The following ARHGAP39 variants were observed in gnomAD, a reference collection of about 807,000 sequenced individuals.
The protein encoded by ARHGAP39 is rho GTPase-activating protein 39.
Under a neutral mutation model 106.9 loss-of-function variants are expected in ARHGAP39, and 44 were observed. That is an observed-to-expected ratio of 0.41 (90% CI 0.32 to 0.53). The LOEUF is 0.53. ARHGAP39 is among the 20% of genes least tolerant of loss of function. The pLI, the probability that ARHGAP39 is intolerant of heterozygous loss-of-function variation, is 0.21. For missense variants in ARHGAP39, 1,496 were observed against 1,577.3 expected (o/e 0.95, Z 0.87); for synonymous variants, 768 against 693.2 (o/e 1.11, Z -1.69).
chr8:144,564,640 G>C (rs1004044030), intron 3 of ARHGAP39, among the ~76,000 whole-genome samples: 2 of 152,052 alleles, frequency 1.3e-5, no homozygotes, highest in African/African-American at 2.4e-5. Context: ...ATACAAAAAA[G>C]AACCCAATCA....
intron 2 of ARHGAP39, among the ~76,000 whole-genome samples, chr8:144,602,543 T>C (rs534656635): frequency 7.4e-6 from 1 of 135,636 alleles, no homozygotes; most frequent in Admixed American, 7.4e-5. Flanking sequence ...TACCTGTGTG[T>C]GCATGGAGGC....
chr8:144,593,099 G>A (rs963606573), intron 2 of ARHGAP39, among the ~76,000 whole-genome samples: 9 of 152,232 alleles, frequency 5.9e-5, no homozygotes, highest in East Asian at 3.8e-4. Context: ...CAGGGTACCC[G>A]GCGGGATGGG....
chr8:144,675,467 C>G (rs1449121406), intron 1 of ARHGAP39, among the ~76,000 whole-genome samples: 1 of 152,200 alleles, frequency 6.6e-6, no homozygotes, highest in African/African-American at 2.4e-5. Flanking sequence ...CGTGGTCTTG[C>G]TGACTTCAGG....
chr8:144,669,506 CAAAAAA>C (rs55678140), intron 1 of ARHGAP39, among the ~76,000 whole-genome samples: 1 of 59,744 alleles, frequency 1.7e-5, no homozygotes, highest in Non-Finnish European at 3.2e-5. Flanking sequence ...GACTCGGTCT[CAAAAAA>C]AAAAAAAAAA....
chr8:144,590,502 C>T (rs1035690206), intron 2 of ARHGAP39, among the ~76,000 whole-genome samples: 2 of 151,796 alleles, frequency 1.3e-5, no homozygotes, highest in Non-Finnish European at 2.9e-5. Context: ...TGATCAGAAG[C>T]TTCCTGAGGC....
chr8:144,636,269 C>T lies in ARHGAP39; in HGVS notation c.-81-30574G>A, dbSNP rs1271483178. ...TGTGTTGATTCTTACGGGGTGAGTGCAGAAGAAAAACTTCTTAAAACTCAA... is the reference window on the plus strand; with the variant it reads ...TGTGTTGATTCTTACGGGGTGAGTGTAGAAGAAAAACTTCTTAAAACTCAA... On this transcript the variant is annotated intron_variant, in intron 1 of 11. Transcript: ENST00000377307. Among the ~76,000 whole-genome samples, 3 of 152,234 alleles carry T rather than the reference C, an allele frequency of 2.0e-5. No individual in the cohort carries two copies. The East Asian group carries it at 5.8e-4, about 29-fold the overall frequency.
chr8:144,570,981 C>T (rs1395782941), intron 3 of ARHGAP39, among the ~76,000 whole-genome samples: 1 of 152,094 alleles, frequency 6.6e-6, no homozygotes, highest in Non-Finnish European at 1.5e-5. Flanking sequence ...GAAATTAAGG[C>T]AATAATTAAT....
chr8:144,542,627 G>GCC (rs751119193), intron 6 of ARHGAP39, among the ~76,000 whole-genome samples: 6 of 66,504 alleles, frequency 9.0e-5, no homozygotes, highest in African/African-American at 3.7e-4. Context: ...TTTCCTACCC[G>GCC]CCCCCCCACC....
intron 2 of ARHGAP39, among the ~76,000 whole-genome samples, chr8:144,597,925 G>C (rs2130925079): frequency 6.6e-6 from 1 of 152,226 alleles, no homozygotes; most frequent in African/African-American, 2.4e-5. Flanking sequence ...ACACCACAAA[G>C]GCTAAAAAAG....
rs180873593 is a variant in ARHGAP39 at position 144,679,877 on chromosome 8, G to A, written c.-82+5809C>T. ...CACCTGTAGTCCCAGTTACTTGGGA[G>A]GCTGAGGCAGGAGAATGGCGTGAAC... is the stretch of plus-strand genomic sequence containing the variant. On this transcript the variant is annotated intron_variant, in intron 1 of 11. Coordinates refer to ENST00000377307, the MANE Select transcript of ARHGAP39 (RefSeq NM_025251.3). This position sits in a 1 kb window ranked among gnomAD's most constrained non-coding sequence, Gnocchi z 4.7. Among the ~76,000 whole-genome samples the A allele has an allele frequency of 2.8e-4, 42 of 152,306 alleles. No homozygotes were observed. The East Asian group carries it at 8.1e-3, about 29-fold the overall frequency.
rs1817582101 is a variant in ARHGAP39 at position 144,548,712 on chromosome 8, C to G, written c.597-223G>C. On this transcript the variant is annotated intron_variant, in intron 4 of 11. Transcript: ENST00000377307. The surrounding 1 kb of genome is among the most constrained non-coding windows in gnomAD (Gnocchi z 7.4). ...CTGCCGCCCACGACCAGGTGTCTGT[C>G]TGCTCTGATCCCAGCTCCTGACCGG... 2.0e-5 allele frequency among the ~76,000 whole-genome samples: 3 copies of G among 152,218 alleles called. No homozygotes were observed. Among genetic ancestry groups the G allele is most frequent in the African/African-American group, 7.2e-5 (3 of 41,460 alleles).
At chr8:144,673,673 C>T (rs1203397905) in intron 1 of ARHGAP39, among the ~76,000 whole-genome samples, 1 of 152,180 alleles carries the variant, frequency 6.6e-6, no homozygotes, top group Non-Finnish European at 1.5e-5. Flanking sequence ...ACCGCTGTGG[C>T]CAGTGGTGCC....
intron 2 of ARHGAP39, among the ~76,000 whole-genome samples, chr8:144,582,471 T>G (rs1006555362): frequency 1.3e-5 from 2 of 152,106 alleles, no homozygotes; most frequent in East Asian, 3.9e-4. Flanking sequence ...GCCCTGGGGG[T>G]TCTGGGTCTG....
intron 10 of ARHGAP39, 151 bp from the exon 11 acceptor site, chr8:144,531,022 G>A (rs1816684517): frequency 9.3e-7 from 1 of 1,078,034 alleles, no homozygotes; most frequent in Admixed American, 2.9e-5. Flanking sequence ...GCCAGGCTGG[G>A]CCCTGACCCC....
At chr8:144,623,903 G>T (rs549570029) in intron 1 of ARHGAP39, among the ~76,000 whole-genome samples, 3 of 152,358 alleles carry the variant, frequency 2.0e-5, no homozygotes, top group African/African-American at 7.2e-5. Flanking sequence ...TGAGTGAGGA[G>T]CTCTGCGCCC....
intron 1 of ARHGAP39, among the ~76,000 whole-genome samples, chr8:144,623,997 G>C (rs1422871557): frequency 1.3e-5 from 2 of 152,220 alleles, no homozygotes; most frequent in Non-Finnish European, 2.9e-5. Context: ...AGCCTTGGGC[G>C]TCCCAGCTAA....
chr8:144,601,868 A>G (rs1327004484), intron 2 of ARHGAP39, among the ~76,000 whole-genome samples: 1 of 115,646 alleles, frequency 8.6e-6, no homozygotes, highest in East Asian at 2.6e-4. Context: ...TGTGTGTGCG[A>G]GCTCACGTAC....
At chr8:144,601,419 GGCGTGCGT>G (rs981109960) in intron 2 of ARHGAP39, among the ~76,000 whole-genome samples, 19 of 115,348 alleles carry the variant, frequency 1.6e-4, no homozygotes, top group Non-Finnish European at 2.8e-4. Flanking sequence ...CGTGCATGGA[GGCGTGCGT>G]GCGTGCGAGC....
intron 1 of ARHGAP39, among the ~76,000 whole-genome samples, chr8:144,607,381 G>A (rs1410294464): frequency 6.6e-6 from 1 of 152,228 alleles, no homozygotes; most frequent in Non-Finnish European, 1.5e-5. Flanking sequence ...TGACGGGGAG[G>A]GACCCACGGC....
Sources: allele counts gnomAD v4.1 joint callset (sites outside exome capture counted in the v4.1 genomes callset), GRCh38; gene constraint gnomAD v4.1.1; non-coding constraint Gnocchi (gnomAD v3.1); transcripts MANE v1.5; gene names NCBI Gene and HGNC (gene_info 2026-07-23, HGNC 2026-07-21).